SYT3: variants seen among roughly 807,000 people sequenced by gnomAD.
The protein encoded by SYT3 is synaptotagmin-3.
In SYT3, 25 loss-of-function variants were observed where a neutral mutation model predicts 50.6. The ratio of observed to expected loss-of-function variants is 0.49; its 90% CI spans 0.36 to 0.69. The LOEUF (loss-of-function observed/expected upper bound fraction) is 0.69. Among genes scored for constraint, SYT3 ranks in the 30% least tolerant of loss-of-function variants. The probability of loss-of-function intolerance (pLI) is 0.00; values close to 1 mark genes in which losing one functional copy is unlikely to be tolerated. For missense variants in SYT3, 589 were observed against 793.6 expected, an observed-to-expected ratio of 0.74 and a Z score of 3.10; for synonymous variants, 323 against 353.9, an observed-to-expected ratio of 0.91 and a Z score of 0.98.
chr19:50,634,964 G>A (rs1317321735), intron 3 of SYT3, among the ~76,000 whole-genome samples: 1 of 151,864 alleles, frequency 6.6e-6, no homozygotes, highest in Non-Finnish European at 1.5e-5. Context: ...TCTGCGGAGT[G>A]CAGTGGTGTG....
chr19:50,633,219 C>T (rs1041211298), intron 3 of SYT3, among the ~76,000 whole-genome samples: 1 of 152,116 alleles, frequency 6.6e-6, no homozygotes, highest in African/African-American at 2.4e-5. Flanking sequence ...TGGCCTCAAG[C>T]AATCTTCCCA....
chr19:50,656,942 ACT>A, the SYT3 span, among the ~76,000 whole-genome samples: 2 of 140,418 alleles, frequency 1.4e-5, no homozygotes, highest in African/African-American at 2.8e-5. Context: ...ACAAAGTGAG[ACT>A]CTGTCAAAAA....
At chr19:50,622,568 C>G (rs1983889753) in intron 10 of SYT3, 87 bp from the exon 11 acceptor site, 1 of 770,146 alleles carries the variant, frequency 1.3e-6, no homozygotes, top group Admixed American at 1.9e-5. Flanking sequence ...CCCAGAGATC[C>G]AGGAGTCCCA....
At chr19:50,649,439 C>T in the SYT3 span, 3 of 1,536,174 alleles carry the variant, frequency 2.0e-6, no homozygotes, top group Admixed American at 5.9e-5. Context: ...CACCCACCTT[C>T]CCAGGATGCA....
upstream of SYT3, among the ~76,000 whole-genome samples, chr19:50,642,349 G>A (rs555036093): frequency 3.3e-5 from 5 of 152,358 alleles, no homozygotes; most frequent in South Asian, 2.1e-4. Flanking sequence ...CCAAAGAGAC[G>A]CTCGGATTCC....
In SYT3 at chr19:50,639,446, G is replaced by T. The variant is rs995473533; in HGVS notation, c.-153-284C>A. 60 of 151,366 alleles carry T rather than the reference G, an allele frequency of 4.0e-4. No individual in the cohort carries two copies. Among genetic ancestry groups the T allele is most frequent in the African/African-American group, 1.3e-3 (54 of 41,062 alleles). 9.4% of individuals were successfully genotyped at this position (151,366 alleles called of 1,614,324 possible). A position where few individuals can be genotyped will look rare whatever the true frequency, so the allele number is the denominator to read the frequency against. On this transcript the variant is annotated intron_variant, in intron 1 of 10. Transcript: ENST00000600079. The surrounding 1 kb of genome is among the most constrained non-coding windows in gnomAD (Gnocchi z 4.6). The stretch of plus-strand genomic sequence containing the variant: ...TTTTTTTTTTTTAAGGTTTTGGGGG[G>T]TTAAGATGCTGGGGTCCCAAGACGC...
chr19:50,653,694 A>G, the SYT3 span, among the ~76,000 whole-genome samples: 15 of 107,444 alleles, frequency 1.4e-4, no homozygotes, highest in African/African-American at 8.8e-4. Context: ...ACACACACAC[A>G]CACACACACA....
intron 6 of SYT3, among the ~76,000 whole-genome samples, chr19:50,628,356 A>G (rs1464851884): frequency 6.6e-6 from 1 of 152,178 alleles, no homozygotes; most frequent in African/African-American, 2.4e-5. Context: ...ATGAGATACC[A>G]GAGGGCAGGG....
rs759325767 is a variant in SYT3 at position 50,630,188 on chromosome 19, G to A, written c.675-17C>T. ...GCTGGGTACCTGTAGGGGGTTGGGG[G>A]GAGACCAAGGTGAGGTCAGTGGCTC... On this transcript the variant is annotated splice_polypyrimidine_tract_variant and intron_variant, in intron 4 of 10. Transcript: ENST00000600079. The A allele has an allele frequency of 3.3e-6, 5 of 1,500,704 alleles. No homozygotes were observed. In the East Asian group the frequency reaches 9.3e-5, roughly 28 times the overall value. The allele number at this position is 1,500,704 out of a possible 1,614,324, so 93.0% of individuals were successfully genotyped here.
intron 3 of SYT3, among the ~76,000 whole-genome samples, chr19:50,636,889 G>A (rs1349380133): frequency 6.6e-6 from 1 of 152,184 alleles, no homozygotes; most frequent in Non-Finnish European, 1.5e-5. Flanking sequence ...CAGATGAGGA[G>A]ACTGAGTCCC....
At chr19:50,633,080 C>T (rs1451831203) in intron 3 of SYT3, among the ~76,000 whole-genome samples, 1 of 152,156 alleles carries the variant, frequency 6.6e-6, no homozygotes, top group Non-Finnish European at 1.5e-5. Flanking sequence ...CTCTTGGGCT[C>T]AAGCAATCCT....
chr19:50,643,453 C>T (rs1984711147), upstream of SYT3, among the ~76,000 whole-genome samples: 2 of 151,690 alleles, frequency 1.3e-5, no homozygotes, highest in Admixed American at 1.3e-4. Context: ...AGAGTGAGAC[C>T]TTGTCTCAAA....
the SYT3 span, among the ~76,000 whole-genome samples, chr19:50,651,400 T>A: frequency 6.6e-6 from 1 of 152,146 alleles, no homozygotes; most frequent in Admixed American, 6.5e-5. Context: ...CTAGAGAGCC[T>A]TCCCTGATTG....
intron 9 of SYT3, 178 bp downstream of exon 9, chr19:50,624,984 G>A (rs957125224): frequency 1.4e-5 from 7 of 508,514 alleles, no homozygotes; most frequent in Admixed American, 4.1e-5. Flanking sequence ...GGTAAATTGA[G>A]GCACAGAGCG....
chr19:50,650,156 A>AT, the SYT3 span, among the ~76,000 whole-genome samples: 1 of 152,098 alleles, frequency 6.6e-6, no homozygotes, highest in Non-Finnish European at 1.5e-5. Context: ...TCCCTTGCTC[A>AT]TAACACTTCC....
the SYT3 span, chr19:50,649,859 C>T: frequency 2.1e-6 from 1 of 478,294 alleles, no homozygotes; most frequent in Non-Finnish European, 4.1e-6. Context: ...CTGCTCTCCT[C>T]CTTCCTGGTT....
chr19:50,629,904 G>A lies in SYT3; in HGVS notation c.942C>T (p.Asp314=). ...CCTGCAGGATCCTCACCACCAGCTGGTCCGAGCCATAGAGGTACCGCAGGG... is the reference window on the plus strand; with the variant it reads ...CCTGCAGGATCCTCACCACCAGCTGATCCGAGCCATAGAGGTACCGCAGGG... ...SFALRYLYGS[D]QLVVRILQAL... The change falls in exon 5 of 11, where the codon GAC becomes GAT. Residue 314 remains aspartate, a synonymous_variant. Transcript: ENST00000600079. The A allele has an allele frequency of 1.2e-6, 2 of 1,614,120 alleles. No homozygotes were observed. Among genetic ancestry groups the A allele is most frequent in the South Asian group, 2.2e-5 (2 of 91,080 alleles).
At chr19:50,651,667 C>T in the SYT3 span, among the ~76,000 whole-genome samples, 1 of 151,722 alleles carries the variant, frequency 6.6e-6, no homozygotes, top group South Asian at 2.1e-4. Context: ...TGCACCATGA[C>T]CCTCCAACCT....
chr19:50,645,789 A>C, the SYT3 span, among the ~76,000 whole-genome samples: 1 of 152,120 alleles, frequency 6.6e-6, no homozygotes, highest in Non-Finnish European at 1.5e-5. Context: ...CTGAGGCGGG[A>C]AGATCGCTTG....
Sources: gnomAD v4.1 joint callset for allele counts (sites outside exome capture counted in the v4.1 genomes callset) on GRCh38, gnomAD v4.1.1 for gene constraint, Gnocchi (gnomAD v3.1) non-coding constraint, MANE v1.5 for transcripts, NCBI Gene and HGNC (gene_info 2026-07-23, HGNC 2026-07-21) for gene names.